UTRN: variants seen among roughly 807,000 people sequenced by gnomAD.
UTRN encodes utrophin, also known as dystrophin-related protein 1.
A neutral mutation model predicts 463.9 loss-of-function variants in UTRN; 283 were observed. The ratio of observed to expected loss-of-function variants is 0.61; its 90% CI spans 0.55 to 0.67. The LOEUF (loss-of-function observed/expected upper bound fraction) is 0.67, where lower values mean the gene tolerates loss of function less well. Ranked by LOEUF, UTRN falls within the 30% of genes least tolerant of loss-of-function variation. The probability of loss-of-function intolerance (pLI) is 0.00; values close to 1 mark genes in which losing one functional copy is unlikely to be tolerated. For synonymous variants in UTRN, 1,442 were observed against 1,431.5 expected (o/e 1.01, Z -0.17); for missense variants, 3,922 against 4,084.3 (o/e 0.96, Z 1.08).
At chr6:144,690,212 A>G (rs951505844) in intron 52 of UTRN, among the ~76,000 whole-genome samples, 1 of 148,536 alleles carries the variant, frequency 6.7e-6, no homozygotes, top group Non-Finnish European at 1.5e-5. Flanking sequence ...CCACAGGCAG[A>G]CGCAAGCAGC....
intron 51 of UTRN, among the ~76,000 whole-genome samples, chr6:144,661,544 C>G (rs1479681754): frequency 6.6e-6 from 1 of 152,156 alleles, no homozygotes; most frequent in Non-Finnish European, 1.5e-5. Flanking sequence ...TCAGCTTGCT[C>G]TCCACTTAGA....
intron 56 of UTRN, among the ~76,000 whole-genome samples, chr6:144,753,565 G>A (rs1408990556): frequency 6.6e-6 from 1 of 152,136 alleles, no homozygotes; most frequent in East Asian, 1.9e-4. Context: ...GTTACAGTGA[G>A]CTATGTTTGT....
Position 144,511,021 on chromosome 6 carries a change from G to C in UTRN, c.4842G>C (p.Leu1614Phe), listed in dbSNP as rs1474604843. The change falls in exon 35 of 75, where the codon TTG becomes TTC. Residue 1614 changes from leucine to phenylalanine, a missense_variant. Physicochemically the swap from Leu to Phe is conservative, Grantham distance 22. Coordinates refer to ENST00000367545, the MANE Select transcript of UTRN (RefSeq NM_007124.3). ...ITESSAALQN[L>F]IEGSEPILEE... ...AGAGTAGTGCTGCCCTGCAAAACTT[G>C]ATTGAGGGCAGTGAGCCTATTTTAG... The C allele has an allele frequency of 6.2e-7, 1 of 1,613,488 alleles. No individual in the cohort carries two copies. Among genetic ancestry groups the C allele is most frequent in the Non-Finnish European group, 8.5e-7 (1 of 1,179,534 alleles).
chr6:144,485,562 G>C (rs753551946), intron 28 of UTRN, 43 bp downstream of exon 28: 7 of 1,611,520 alleles, frequency 4.3e-6, no homozygotes, highest in Non-Finnish European at 5.9e-6. Context: ...TTGCTGTGAT[G>C]AGGCCACACG....
At chr6:144,342,841 CA>C (rs1186605797) in intron 2 of UTRN, among the ~76,000 whole-genome samples, 2 of 151,966 alleles carry the variant, frequency 1.3e-5, no homozygotes, top group East Asian at 1.9e-4. Context: ...AAGTTTGATG[CA>C]AAAAAAGATC....
At position 144,634,852 on chromosome 6, in the gene UTRN, T is replaced by G. The variant is rs868260712; in HGVS notation, c.7480-43554T>G. On this transcript the variant is annotated intron_variant, in intron 51 of 74. Transcript: ENST00000367545. ...TGTTGTAGCTTTTGTGGTACTTTCC[T>G]TTCTCTTCATTGATAAATAATATTC... Among the ~76,000 whole-genome samples, 3 of 152,344 alleles carry G rather than the reference T, an allele frequency of 2.0e-5. No homozygotes were observed. In the South Asian group the frequency reaches 6.2e-4, roughly 32 times the overall value.
intron 64 of UTRN, 118 bp from the exon 65 acceptor site, chr6:144,802,918 T>G (rs1407286458): frequency 2.4e-5 from 15 of 614,468 alleles, no homozygotes; most frequent in African/African-American, 5.7e-5. Context: ...TTCAGAGACT[T>G]GAACTCCAAA....
chr6:144,363,539 A>G (rs1584451464), intron 2 of UTRN, among the ~76,000 whole-genome samples: 1 of 152,352 alleles, frequency 6.6e-6, no homozygotes, highest in Non-Finnish European at 1.5e-5. Context: ...GAATTTGTGC[A>G]GTAGCAAACC....
rs1345414715 is a variant in UTRN, at chr6:144,436,015, C to T, written c.936C>T (p.Asp312=). The T allele has an allele frequency of 1.2e-6, 2 of 1,614,220 alleles. No homozygotes were observed. The highest frequency in any genetic ancestry group is 1.1e-5 in the South Asian group (1 of 91,086). Reference sequence around the variant, plus strand: ...TCACTGAGGTTGACATGGATCTGGACAGCTATCAGATTGCGTTGGAGGAAG... The same window carrying T: ...TCACTGAGGTTGACATGGATCTGGATAGCTATCAGATTGCGTTGGAGGAAG... ...STVTEVDMDL[D]SYQIALEEVL... The change falls in exon 10 of 75, where the codon GAC becomes GAT. Residue 312 remains aspartate (D), a synonymous_variant. Transcript: ENST00000367545.
chr6:144,846,888 A>G, intron 74 of UTRN, 61 bp downstream of exon 74: 1 of 1,593,240 alleles, frequency 6.3e-7, no homozygotes, highest in East Asian at 2.2e-5. Flanking sequence ...TAAGCAGATT[A>G]TCCACGACTG....
intron 34 of UTRN, among the ~76,000 whole-genome samples, chr6:144,503,477 GT>G (rs1279016285): frequency 2.6e-5 from 4 of 152,236 alleles, no homozygotes; most frequent in Non-Finnish European, 5.9e-5. Context: ...TGGCTAGCCT[GT>G]TTTCCCAACA....
intron 2 of UTRN, among the ~76,000 whole-genome samples, chr6:144,315,707 G>A (rs910571180): frequency 3.3e-5 from 5 of 152,234 alleles, no homozygotes; most frequent in African/African-American, 1.2e-4. Context: ...GTGCCGCTGT[G>A]CTGGCTGGAT....
intron 23 of UTRN, among the ~76,000 whole-genome samples, chr6:144,463,345 A>G (rs1445535305): frequency 1.3e-5 from 2 of 152,216 alleles, no homozygotes; most frequent in African/African-American, 4.8e-5. Flanking sequence ...ATGAAAATTC[A>G]GAAACAGGAT....
intron 57 of UTRN, 141 bp from the exon 58 acceptor site, chr6:144,757,788 G>A: frequency 3.0e-6 from 2 of 661,402 alleles, no homozygotes. Flanking sequence ...GTTTGGCCCA[G>A]TGGATCTCAT....
In UTRN at chr6:144,435,733, C is replaced by T. The variant is rs151024255; in HGVS notation, c.856-202C>T. 3.1e-3 allele frequency among the ~76,000 whole-genome samples: 472 copies of T among 152,306 alleles called. 9 individuals carry two copies. Among genetic ancestry groups the T allele is most frequent in the Admixed American group, 0.022 (344 of 15,296 alleles). On this transcript the variant is annotated intron_variant, in intron 9 of 74. Transcript: ENST00000367545. ...TGAGTACAGAATTCATGAGTGCATG[C>T]TGCTTTTATACTCTTTGCTACCCTA...
At chr6:144,548,110 G>A (rs577360864) in intron 46 of UTRN, among the ~76,000 whole-genome samples, 2 of 152,176 alleles carry the variant, frequency 1.3e-5, no homozygotes, top group East Asian at 1.9e-4. Context: ...GATCAGAAAT[G>A]TGCAAAATAC....
At chr6:144,434,435 G>A (rs1786333576) in intron 9 of UTRN, among the ~76,000 whole-genome samples, 1 of 152,120 alleles carries the variant, frequency 6.6e-6, no homozygotes, top group African/African-American at 2.4e-5. Flanking sequence ...GAGAAGCTGG[G>A]GCTGGCTCCC....
intron 30 of UTRN, among the ~76,000 whole-genome samples, 193 bp downstream of exon 30, chr6:144,489,027 G>GTTTAT (rs141795341): frequency 0.17 from 25,755 of 148,348 alleles, 2,903 homozygotes; most frequent in African/African-American, 0.31. Context: ...GTCTTATATA[G>GTTTAT]TTTATTTTAT....
intron 54 of UTRN, among the ~76,000 whole-genome samples, chr6:144,744,891 G>T (rs907826597): frequency 6.6e-6 from 1 of 152,190 alleles, no homozygotes; most frequent in Admixed American, 6.5e-5. Context: ...GAAATGTCCC[G>T]TAAGCTTCAG....
Sources: allele counts gnomAD v4.1 joint callset (sites outside exome capture counted in the v4.1 genomes callset), GRCh38; gene constraint gnomAD v4.1.1; transcripts MANE v1.5; gene names NCBI Gene and HGNC (gene_info 2026-07-23, HGNC 2026-07-21).